CPXM2: variants seen among roughly 807,000 people sequenced by gnomAD.
CPXM2 encodes the protein carboxypeptidase X, M14 family member 2.
A neutral mutation model predicts 86.1 loss-of-function variants in CPXM2; 66 were observed. The observed-to-expected ratio is 0.77, with a 90% CI of 0.63 to 0.94. The LOEUF (loss-of-function observed/expected upper bound fraction) is 0.94, where lower values mean the gene tolerates loss of function less well. Among genes scored for constraint, CPXM2 ranks in the 40% least tolerant of loss-of-function variants. The pLI is 0.00. For missense variants in CPXM2, 948 were observed against 1,026.3 expected, an observed-to-expected ratio of 0.92 and a Z score of 1.04; for synonymous variants, 388 against 400.2, an observed-to-expected ratio of 0.97 and a Z score of 0.36.
upstream of CPXM2, among the ~76,000 whole-genome samples, chr10:123,941,820 C>A (rs1452655701): frequency 6.6e-6 from 1 of 152,210 alleles, no homozygotes; most frequent in Non-Finnish European, 1.5e-5. Context: ...TCACCTTGAG[C>A]AGGCCACCTA....
At chr10:123,800,470 T>C (rs1177513404) in intron 4 of CPXM2, among the ~76,000 whole-genome samples, 1 of 152,162 alleles carries the variant, frequency 6.6e-6, no homozygotes, top group African/African-American at 2.4e-5. Flanking sequence ...TCCTTTGCCC[T>C]GGAAAATTAT....
chr10:123,916,721 A>G (rs1365580119), intron 2 of CPXM2, among the ~76,000 whole-genome samples: 1 of 151,950 alleles, frequency 6.6e-6, no homozygotes, highest in Admixed American at 6.6e-5. Context: ...TGATCTGAAG[A>G]ATCCTTTCAT....
At chr10:123,766,169 T>G (rs943371356) in intron 10 of CPXM2, among the ~76,000 whole-genome samples, 5 of 152,172 alleles carry the variant, frequency 3.3e-5, no homozygotes, top group African/African-American at 1.2e-4. Flanking sequence ...CCCTGGATTA[T>G]GACCTTGAAG....
intron 11 of CPXM2, among the ~76,000 whole-genome samples, chr10:123,759,747 A>C (rs575491760): frequency 1.3e-5 from 2 of 152,364 alleles, no homozygotes; most frequent in Non-Finnish European, 2.9e-5. Flanking sequence ...AGCTCTGTGC[A>C]TCTGATGCTA....
intron 2 of CPXM2, among the ~76,000 whole-genome samples, chr10:123,923,528 C>T (rs1049731110): frequency 1.3e-5 from 2 of 151,432 alleles, no homozygotes; most frequent in Non-Finnish European, 2.9e-5. Flanking sequence ...TTGCAGTGAG[C>T]CGAGATCGCG....
rs765333652 is a variant in CPXM2, at chr10:123,767,050, C to A, written c.1402G>T (p.Asp468Tyr). The change falls in exon 10 of 14, where the codon GAT becomes TAT. Residue 468 changes from aspartate to tyrosine, a missense_variant. By Grantham distance (160) the Asp-to-Tyr change is radical. Transcript: ENST00000241305. The stretch of plus-strand genomic sequence containing the variant: ...ACTTTCCTGGGGACATTCTGTCGAT[C>A]CTCTGCCTCCCAGAGCAGCGTGTTT... Reference protein sequence around the residue: ...DLNTLLWEAEDRQNVPRKVPN... With the variant: ...DLNTLLWEAEYRQNVPRKVPN... 43 of 1,614,056 alleles carry A rather than the reference C, an allele frequency of 2.7e-5. No individual in the cohort carries two copies. The highest frequency in any genetic ancestry group is 1.2e-4 in the South Asian group (11 of 91,080).
chr10:123,934,818 G>A (rs773870347), intron 2 of CPXM2, among the ~76,000 whole-genome samples: 18 of 151,992 alleles, frequency 1.2e-4, no homozygotes, highest in Non-Finnish European at 2.1e-4. Context: ...GCCATCCATC[G>A]CCTGCCACTG....
At chr10:123,887,416 A>AT (rs1474857662) in intron 1 of CPXM2, among the ~76,000 whole-genome samples, 1 of 152,222 alleles carries the variant, frequency 6.6e-6, no homozygotes, top group Non-Finnish European at 1.5e-5. Flanking sequence ...TGTACATGTG[A>AT]TAAAAACTAC....
chr10:123,854,439 AC>A (rs1367526306), intron 3 of CPXM2, among the ~76,000 whole-genome samples: 15 of 121,456 alleles, frequency 1.2e-4, no homozygotes, highest in Non-Finnish European at 2.4e-4. Context: ...TATATAATAT[AC>A]TTTTATATAT....
rs1336094643 is a variant in CPXM2, at chr10:123,891,290, G to A, written c.304+66C>T. 7.6e-7 allele frequency: 1 copy of A among 1,317,830 alleles called. No individual in the cohort carries two copies. 81.6% of individuals were successfully genotyped at this position (1,317,830 alleles called of 1,614,324 possible). A position where few individuals can be genotyped will look rare whatever the true frequency, so the allele number is the denominator to read the frequency against. ...CAGACACACACAATGGGAGAAGCCA[G>A]TTGTCCCCTGGAGGCGCGCAACCAC... On this transcript the variant is annotated intron_variant, in intron 1 of 13. Coordinates refer to ENST00000241305, the MANE Select transcript of CPXM2 (RefSeq NM_198148.3). This position sits in a 1 kb window ranked among gnomAD's most constrained non-coding sequence, Gnocchi z 5.6.
intron 13 of CPXM2, among the ~76,000 whole-genome samples, chr10:123,748,953 C>T (rs566888556): frequency 3.3e-5 from 5 of 152,244 alleles, no homozygotes; most frequent in Admixed American, 1.3e-4. Context: ...AAGCTGTAGG[C>T]GCCTGAAGAG....
chr10:123,933,320 G>A (rs1945684108), intron 2 of CPXM2, among the ~76,000 whole-genome samples: 1 of 152,208 alleles, frequency 6.6e-6, no homozygotes, highest in Non-Finnish European at 1.5e-5. Flanking sequence ...ATAAGACCCA[G>A]CTGTTCTGAT....
intron 4 of CPXM2, among the ~76,000 whole-genome samples, chr10:123,802,884 T>G (rs1164491387): frequency 6.6e-6 from 1 of 152,192 alleles, no homozygotes; most frequent in Non-Finnish European, 1.5e-5. Context: ...TGTTGATTTA[T>G]TTTAAGTTAC....
chr10:123,764,243 G>C (rs1369057856), intron 10 of CPXM2, among the ~76,000 whole-genome samples: 1 of 152,038 alleles, frequency 6.6e-6, no homozygotes, highest in Non-Finnish European at 1.5e-5. Flanking sequence ...CAAATCTTTT[G>C]ATGAACAGGC....
chr10:123,758,406 G>C (rs1218174663), intron 11 of CPXM2, among the ~76,000 whole-genome samples: 2 of 152,064 alleles, frequency 1.3e-5, no homozygotes, highest in Non-Finnish European at 2.9e-5. Flanking sequence ...ACATCACTCA[G>C]CTCTCTGCCT....
rs759238703 is a variant in CPXM2 at position 123,880,346 on chromosome 10, A to G, written c.305-37T>C. ...GAGAGAGATGCCTTTACTTTCACAT[A>G]CATCAGAGCTGGTTCAAGATGCTAA... On this transcript the variant is annotated intron_variant, in intron 1 of 13. Transcript: ENST00000241305. The G allele has an allele frequency of 1.6e-5, 14 of 895,054 alleles. No homozygotes were observed. In the Admixed American group the frequency reaches 2.2e-4, roughly 14 times the overall value. 55.4% of individuals were successfully genotyped at this position (895,054 alleles called of 1,614,324 possible).
At chr10:123,902,113 T>C (rs1303549555) in intron 2 of CPXM2, among the ~76,000 whole-genome samples, 1 of 152,216 alleles carries the variant, frequency 6.6e-6, no homozygotes, top group African/African-American at 2.4e-5. Context: ...TTTGCTCTTA[T>C]TGGGGGTGAA....
At chr10:123,927,546 C>T (rs1945634065) in intron 2 of CPXM2, among the ~76,000 whole-genome samples, 1 of 152,166 alleles carries the variant, frequency 6.6e-6, no homozygotes. Context: ...CGCACCTTGC[C>T]CAAGGTCACA....
chr10:123,827,776 T>C (rs911447471), intron 4 of CPXM2, among the ~76,000 whole-genome samples: 2 of 152,150 alleles, frequency 1.3e-5, no homozygotes, highest in African/African-American at 4.8e-5. Flanking sequence ...CTTAAAAGAA[T>C]GAAGTGGGAA....
Sources: gnomAD v4.1 joint callset for allele counts (sites outside exome capture counted in the v4.1 genomes callset) on GRCh38, gnomAD v4.1.1 for gene constraint, Gnocchi (gnomAD v3.1) non-coding constraint, MANE v1.5 for transcripts, NCBI Gene and HGNC (gene_info 2026-07-23, HGNC 2026-07-21) for gene names.